Variants in SLC39A10 observed in about 807,000 individuals in gnomAD.
SLC39A10 encodes the protein solute carrier family 39 member 10.
In SLC39A10, 13 loss-of-function variants were observed where a neutral mutation model predicts 65.1. That is an observed-to-expected ratio of 0.20 (90% confidence interval 0.13 to 0.32). The LOEUF (loss-of-function observed/expected upper bound fraction) is 0.32. SLC39A10 is among the 10% of genes least tolerant of loss of function. SLC39A10 has a pLI of 1.00. For synonymous variants in SLC39A10, 321 were observed against 342.2 expected, an observed-to-expected ratio of 0.94 and a Z score of 0.68; for missense variants, 831 against 1,018.4, an observed-to-expected ratio of 0.82 and a Z score of 2.50.
intron 2 of SLC39A10, among the ~76,000 whole-genome samples, chr2:195,633,218 T>C (rs988936669): frequency 2.0e-5 from 3 of 152,238 alleles, no homozygotes; most frequent in African/African-American, 7.2e-5. Flanking sequence ...GCACTAGAAC[T>C]AGTCAGCCAT....
intron 2 of SLC39A10, among the ~76,000 whole-genome samples, chr2:195,622,994 A>AAAG (rs1688382853): frequency 1.3e-5 from 2 of 150,782 alleles, no homozygotes; most frequent in African/African-American, 4.9e-5. Flanking sequence ...AAAAAAAAAA[A>AAAG]GAACCAAGTT....
At chr2:195,675,375 TTTGG>T (rs1307240046) in intron 1 of SLC39A10, among the ~76,000 whole-genome samples, 2 of 152,190 alleles carry the variant, frequency 1.3e-5, no homozygotes, top group African/African-American at 2.4e-5. Context: ...TTTTACCCAC[TTTGG>T]TTGAGTGTTC....
chr2:195,724,852 T>C (rs1692178840), intron 8 of SLC39A10, among the ~76,000 whole-genome samples: 1 of 152,102 alleles, frequency 6.6e-6, no homozygotes, highest in Admixed American at 6.6e-5. Flanking sequence ...CCAGTAGAAT[T>C]TTGCAAAAGG....
chr2:195,681,038 CCAT>C lies in SLC39A10; in HGVS notation c.1003_1005del (p.His335del). 3.1e-6 allele frequency: 5 copies of C among 1,606,108 alleles called. No homozygotes were observed. The highest frequency in any genetic ancestry group is 4.3e-6 in the Non-Finnish European group (5 of 1,175,090). ...TGAGAAAAGATCTAAATGAAGATGA[CCAT>C]CATCATGAAGTAAGTATAAAAAGAT... is the stretch of plus-strand genomic sequence containing the variant. On this transcript the variant is annotated inframe_deletion, in exon 2 of 10. Transcript: ENST00000359634.
chr2:195,692,454 G>T (rs1399867022), intron 3 of SLC39A10, among the ~76,000 whole-genome samples: 1 of 152,078 alleles, frequency 6.6e-6, no homozygotes, highest in Non-Finnish European at 1.5e-5. Context: ...CAATTTCACA[G>T]TATCGATTCT....
At chr2:195,672,426 C>T (rs1201075316) in intron 1 of SLC39A10, among the ~76,000 whole-genome samples, 1 of 152,150 alleles carries the variant, frequency 6.6e-6, no homozygotes, top group African/African-American at 2.4e-5. Context: ...ATCCACCATA[C>T]CTGGCCTAAA....
At chr2:195,628,550 C>T (rs898863579) in intron 2 of SLC39A10, among the ~76,000 whole-genome samples, 31 of 152,082 alleles carry the variant, frequency 2.0e-4, no homozygotes, top group East Asian at 5.8e-4. Flanking sequence ...GGCCTCTGTC[C>T]TCATGAAACA....
intron 4 of SLC39A10, among the ~76,000 whole-genome samples, chr2:195,708,451 G>A (rs79904304): frequency 2.2e-4 from 33 of 152,260 alleles, no homozygotes; most frequent in African/African-American, 7.9e-4. Flanking sequence ...GTGTCTTTGA[G>A]TTACTGTAAA....
chr2:195,726,186 T>A (rs370238177), intron 8 of SLC39A10, among the ~76,000 whole-genome samples: 9 of 152,342 alleles, frequency 5.9e-5, no homozygotes, highest in African/African-American at 2.2e-4. Flanking sequence ...ACCATCTTGC[T>A]ATGGCAACAA....
rs778625506 is a variant in SLC39A10 at position 195,737,476 on chromosome 2, A to G, written c.*2435A>G. 47 of 161,070 alleles carry G rather than the reference A, an allele frequency of 2.9e-4. No homozygotes were observed. The highest frequency in any genetic ancestry group is 4.0e-4 in the Non-Finnish European group (29 of 72,964). The allele number at this position is 161,070 out of a possible 1,614,324, so 10.0% of individuals were successfully genotyped here. The stretch of plus-strand genomic sequence containing the variant: ...CAGTGTGAATTTTTTCCATTAACAA[A>G]CAAACAAGTCAGTGGCTTAAATGTG... On this transcript the variant is annotated 3_prime_UTR_variant, in exon 10 of 10. Coordinates refer to ENST00000359634, the MANE Select transcript of SLC39A10 (RefSeq NM_020342.3).
chr2:195,703,686 C>T (rs959067262), intron 3 of SLC39A10, among the ~76,000 whole-genome samples: 1 of 152,176 alleles, frequency 6.6e-6, no homozygotes, highest in African/African-American at 2.4e-5. Context: ...CAGGGTCTGA[C>T]TCTGTCACCC....
At chr2:195,708,964 C>A in intron 5 of SLC39A10, 120 bp downstream of exon 5, 2 of 674,644 alleles carry the variant, frequency 3.0e-6, no homozygotes, top group South Asian at 2.4e-5. Flanking sequence ...AGTTTTGTAA[C>A]AGCTAATCTT....
At chr2:195,683,337 T>G (rs184004282) in intron 2 of SLC39A10, among the ~76,000 whole-genome samples, 2 of 152,206 alleles carry the variant, frequency 1.3e-5, no homozygotes, top group Admixed American at 6.5e-5. Context: ...ATTTAATCTG[T>G]TTCACAGATA....
chr2:195,706,396 A>G (rs1691396559), intron 3 of SLC39A10, among the ~76,000 whole-genome samples: 1 of 150,434 alleles, frequency 6.6e-6, no homozygotes, highest in Admixed American at 6.7e-5. Context: ...TGAAGGTACT[A>G]TTTATAACTT....
chr2:195,733,887 T>G (rs2105853061), intron 9 of SLC39A10, among the ~76,000 whole-genome samples: 1 of 152,302 alleles, frequency 6.6e-6, no homozygotes, highest in South Asian at 2.1e-4. Flanking sequence ...TTCAGAATTT[T>G]GAAATTTTAA....
upstream of SLC39A10, among the ~76,000 whole-genome samples, chr2:195,653,514 C>T (rs908049188): frequency 1.3e-5 from 2 of 152,104 alleles, no homozygotes. Flanking sequence ...CAGCTGGTCT[C>T]GAACTCCTGA....
At chr2:195,670,456 G>C (rs13428641) in intron 1 of SLC39A10, 2 of 152,042 alleles carry the variant, frequency 1.3e-5, no homozygotes, top group Non-Finnish European at 2.9e-5. Context: ...CAATCTTGGT[G>C]TATGTGCTGC....
chr2:195,725,319 CA>C (rs1266580165), intron 8 of SLC39A10, among the ~76,000 whole-genome samples: 1 of 151,966 alleles, frequency 6.6e-6, no homozygotes, highest in Non-Finnish European at 1.5e-5. Flanking sequence ...AGACAGTTAA[CA>C]AAAAGGGAAG....
intron 1 of SLC39A10, among the ~76,000 whole-genome samples, chr2:195,664,099 T>C (rs113351640): frequency 1.3e-5 from 2 of 152,162 alleles, no homozygotes; most frequent in African/African-American, 4.8e-5. Context: ...ATGCTAAAGT[T>C]AAATCACTGA....
Sources: allele counts gnomAD v4.1 joint callset (sites outside exome capture counted in the v4.1 genomes callset), GRCh38; gene constraint gnomAD v4.1.1; transcripts MANE v1.5; gene names NCBI Gene and HGNC (gene_info 2026-07-23, HGNC 2026-07-21).